TMEFF2: variants seen among roughly 807,000 people sequenced by gnomAD.
The protein encoded by TMEFF2 is tomoregulin-2.
TMEFF2 carries 28 observed loss-of-function variants against 53.8 expected under a neutral mutation model. The observed-to-expected ratio is 0.52, with a 90% confidence interval of 0.39 to 0.71. The LOEUF (loss-of-function observed/expected upper bound fraction) is 0.71, where lower values mean the gene tolerates loss of function less well. Among genes scored for constraint, TMEFF2 ranks in the 30% least tolerant of loss-of-function variants. The probability of loss-of-function intolerance (pLI) is 0.00; values close to 1 mark genes in which losing one functional copy is unlikely to be tolerated. For missense variants in TMEFF2, 353 were observed against 455.2 expected, an observed-to-expected ratio of 0.78 and a Z score of 2.04; for synonymous variants, 162 against 166.3, an observed-to-expected ratio of 0.97 and a Z score of 0.20.
intron 5 of TMEFF2, among the ~76,000 whole-genome samples, chr2:192,042,207 A>C (rs573879699): frequency 6.6e-6 from 1 of 152,258 alleles, no homozygotes; most frequent in South Asian, 2.1e-4. Context: ...TCTCAAAAAA[A>C]AAAAATCACT....
rs116002524 is a variant in TMEFF2, at chr2:192,142,199, T to C, written c.439+37469A>G. Among the ~76,000 whole-genome samples, 235 of 152,234 alleles carry C rather than the reference T, an allele frequency of 1.5e-3. 1 individual carries two copies. Among genetic ancestry groups the C allele is most frequent in the African/African-American group, 5.5e-3 (227 of 41,546 alleles). ...TTCTTGGCACTCTGTGAACGTTAGGTATCATATGTTTGTTACATGTAGATT... is the reference window on the plus strand; with the variant it reads ...TTCTTGGCACTCTGTGAACGTTAGGCATCATATGTTTGTTACATGTAGATT... On this transcript the variant is annotated intron_variant, in intron 4 of 9. Coordinates refer to ENST00000272771, the MANE Select transcript of TMEFF2 (RefSeq NM_016192.4).
At chr2:192,091,451 C>T (rs748300998) in intron 4 of TMEFF2, among the ~76,000 whole-genome samples, 3 of 152,040 alleles carry the variant, frequency 2.0e-5, no homozygotes, top group East Asian at 1.9e-4. Flanking sequence ...GAAAGAAAAG[C>T]GTTGAATATT....
intron 5 of TMEFF2, among the ~76,000 whole-genome samples, chr2:192,011,651 A>AT (rs1281996584): frequency 6.6e-6 from 1 of 152,152 alleles, no homozygotes; most frequent in Non-Finnish European, 1.5e-5. Context: ...AGGAAATATC[A>AT]TTTTTATGAA....
At chr2:192,121,896 A>G (rs1462975085) in intron 4 of TMEFF2, among the ~76,000 whole-genome samples, 1 of 152,206 alleles carries the variant, frequency 6.6e-6, no homozygotes, top group African/African-American at 2.4e-5. Context: ...TTCTTACAGC[A>G]TTTATCTTCA....
intron 4 of TMEFF2, among the ~76,000 whole-genome samples, chr2:192,154,983 C>A (rs1040011289): frequency 2.0e-5 from 3 of 151,836 alleles, no homozygotes; most frequent in African/African-American, 2.4e-5. Flanking sequence ...AATTTTCATA[C>A]CCTTCCTGGG....
At chr2:192,102,372 A>G (rs1200566401) in intron 4 of TMEFF2, among the ~76,000 whole-genome samples, 4 of 152,090 alleles carry the variant, frequency 2.6e-5, no homozygotes. Context: ...AATAAAACAC[A>G]AAGTCTTAAC....
intron 5 of TMEFF2, among the ~76,000 whole-genome samples, chr2:192,020,805 TGCTTC>T (rs1318175558): frequency 6.6e-6 from 1 of 152,154 alleles, no homozygotes; most frequent in African/African-American, 2.4e-5. Context: ...ATTTCACCTT[TGCTTC>T]TCCTTAACAA....
chr2:191,959,473 GCAGGGAAAGAAA>G (rs1024894323), intron 7 of TMEFF2, among the ~76,000 whole-genome samples: 1 of 152,182 alleles, frequency 6.6e-6, no homozygotes, highest in African/African-American at 2.4e-5. Flanking sequence ...CCTGGTGCTT[GCAGGGAAAGAAA>G]CAGGGAAAGC....
chr2:192,141,459 G>GAAAAAAAAAAAAAAAAAAAAAAA (rs397987092), intron 4 of TMEFF2, among the ~76,000 whole-genome samples: 2 of 107,232 alleles, frequency 1.9e-5, no homozygotes, highest in African/African-American at 3.7e-5. Flanking sequence ...TCTCAAAAAA[G>GAAAAAAAAAAAAAAAAAAAAAAA]AAAAAAAAAA....
intron 4 of TMEFF2, among the ~76,000 whole-genome samples, chr2:192,059,334 ACTTAT>A (rs1266091408): frequency 6.6e-6 from 1 of 152,088 alleles, no homozygotes; most frequent in Non-Finnish European, 1.5e-5. Flanking sequence ...AATAGACAGC[ACTTAT>A]CTTATTATTC....
intron 5 of TMEFF2, among the ~76,000 whole-genome samples, chr2:192,034,423 G>GA (rs915298162): frequency 2.6e-5 from 4 of 151,762 alleles, no homozygotes; most frequent in East Asian, 1.9e-4. Flanking sequence ...CCTCCATGGG[G>GA]AAAAAAAATC....
intron 4 of TMEFF2, among the ~76,000 whole-genome samples, chr2:192,130,192 A>G (rs1227946831): frequency 6.6e-6 from 1 of 150,896 alleles, no homozygotes; most frequent in African/African-American, 2.5e-5. Context: ...CAAATATAAA[A>G]TAATTTAAAC....
At position 192,097,143 on chromosome 2, in the gene TMEFF2, T is replaced by G. The variant is rs145319647; in HGVS notation, c.440-39368A>C. Among the ~76,000 whole-genome samples, 556 of 152,326 alleles carry G rather than the reference T, an allele frequency of 3.7e-3. 4 individuals carry two copies. The highest frequency in any genetic ancestry group is 0.013 in the African/African-American group (521 of 41,576). Reference sequence around the variant, plus strand: ...TCATGTTGGCTTCACTTATAAGTATTTATTGAGATGATTTAACAAAAATTA... The same window carrying G: ...TCATGTTGGCTTCACTTATAAGTATGTATTGAGATGATTTAACAAAAATTA... On this transcript the variant is annotated intron_variant, in intron 4 of 9. Transcript: ENST00000272771.
chr2:192,075,332 T>A (rs13025058), intron 4 of TMEFF2, among the ~76,000 whole-genome samples: 29 of 88,048 alleles, frequency 3.3e-4, no homozygotes, highest in East Asian at 7.4e-4. Context: ...TATATATATA[T>A]ACATACATAC....
chr2:191,991,702 C>T (rs1192283761), intron 7 of TMEFF2, among the ~76,000 whole-genome samples: 2 of 151,968 alleles, frequency 1.3e-5, no homozygotes, highest in Non-Finnish European at 2.9e-5. Context: ...GCAAGGTGAA[C>T]GATTTGTATC....
intron 8 of TMEFF2, among the ~76,000 whole-genome samples, chr2:191,954,275 T>C (rs1172706581): frequency 1.3e-5 from 2 of 152,200 alleles, no homozygotes; most frequent in Admixed American, 6.5e-5. Flanking sequence ...AATATTACTT[T>C]GTGGCTATGG....
chr2:191,998,312 G>A lies in TMEFF2; in HGVS notation c.695C>T (p.Thr232Ile), dbSNP rs773671304. 2.5e-6 allele frequency: 4 copies of A among 1,597,488 alleles called. No individual in the cohort carries two copies. Among genetic ancestry groups the A allele is most frequent in the Admixed American group, 1.7e-5 (1 of 57,846 alleles). Residue 232 changes from threonine to isoleucine, a missense_variant, in exon 7 of 10, where the codon ACT (threonine) becomes ATT (isoleucine). By Grantham distance (89) the Thr-to-Ile change is moderately conservative (BLOSUM62 -1). Coordinates refer to ENST00000272771, the MANE Select transcript of TMEFF2 (RefSeq NM_016192.4). ...MSLGRCQDNT[T>I]TTTKSEDGHY... is the part of the protein sequence containing the mutation. ...CCCATCTTCAGACTTAGTAGTTGTA[G>A]TTGTGTTATCTGTGTTAAAAAATTA...
chr2:192,170,657 AACC>A (rs1344845905), intron 4 of TMEFF2, among the ~76,000 whole-genome samples: 2 of 152,016 alleles, frequency 1.3e-5, no homozygotes, highest in Non-Finnish European at 2.9e-5. Flanking sequence ...CAGTTTAAAT[AACC>A]AATCTGCAGA....
intron 4 of TMEFF2, among the ~76,000 whole-genome samples, chr2:192,119,596 G>A (rs1004194275): frequency 1.3e-5 from 2 of 152,172 alleles, no homozygotes. Context: ...ACAGTTATAT[G>A]CATTTTAAAA....
Sources: allele counts gnomAD v4.1 joint callset (sites outside exome capture counted in the v4.1 genomes callset), GRCh38; gene constraint gnomAD v4.1.1; transcripts MANE v1.5; gene names NCBI Gene and HGNC (gene_info 2026-07-23, HGNC 2026-07-21).